CHST11: variants seen among roughly 807,000 people sequenced by gnomAD.
The protein encoded by CHST11 is C4S-1.
CHST11 carries 9 observed loss-of-function variants against 30.4 expected under a neutral mutation model. The ratio of observed to expected loss-of-function variants is 0.30; its 90% confidence interval spans 0.18 to 0.52. CHST11 has a LOEUF of 0.52. Among genes scored for constraint, CHST11 ranks in the 20% least tolerant of loss-of-function variants. The probability of loss-of-function intolerance (pLI) is 0.97; values close to 1 mark genes in which losing one functional copy is unlikely to be tolerated. For synonymous variants in CHST11, 152 were observed against 187.8 expected, an observed-to-expected ratio of 0.81 and a Z score of 1.56; for missense variants, 348 against 460.6, an observed-to-expected ratio of 0.76 and a Z score of 2.24.
At chr12:104,685,347 T>C (rs2039836793) in intron 2 of CHST11, among the ~76,000 whole-genome samples, 1 of 152,264 alleles carries the variant, frequency 6.6e-6, no homozygotes, top group South Asian at 2.1e-4. Context: ...TTGTTTGGTA[T>C]AAGAAACCTA....
chr12:104,678,596 A>G (rs2039764415), intron 2 of CHST11, among the ~76,000 whole-genome samples: 1 of 152,236 alleles, frequency 6.6e-6, no homozygotes, highest in South Asian at 2.1e-4. Flanking sequence ...GGTATACTGG[A>G]GGTATTACTG....
At chr12:104,544,100 G>A (rs749898609) in intron 1 of CHST11, among the ~76,000 whole-genome samples, 12 of 141,166 alleles carry the variant, frequency 8.5e-5, no homozygotes, top group Non-Finnish European at 1.7e-4. Flanking sequence ...CTCCAGCCTG[G>A]GCAACAGAGA....
chr12:104,722,484 T>C (rs913928575), intron 2 of CHST11, among the ~76,000 whole-genome samples: 2 of 152,190 alleles, frequency 1.3e-5, no homozygotes, highest in Non-Finnish European at 2.9e-5. Context: ...ATGAGGTAGA[T>C]TGGTTTTCTG....
Position 104,724,293 on chromosome 12 carries a change from A to G in CHST11, c.205-32656A>G, listed in dbSNP as rs1045010150. On this transcript the variant is annotated intron_variant, in intron 2 of 2. Transcript: ENST00000303694. Reference sequence around the variant, plus strand: ...AGGATGCCTCAGGAGGATGGCTACCAGGGGCTTGGGGGAGGGGAATGGGGA... The same window carrying G: ...AGGATGCCTCAGGAGGATGGCTACCGGGGGCTTGGGGGAGGGGAATGGGGA... Among the ~76,000 whole-genome samples, 21 of 102,878 alleles carry G rather than the reference A, an allele frequency of 2.0e-4. No individual in the cohort carries two copies. The Middle Eastern group carries it at 0.014, about 68-fold the overall frequency. The allele number at this position is 102,878 out of a possible 152,430, so 67.5% of individuals were successfully genotyped here.
intron 1 of CHST11, among the ~76,000 whole-genome samples, chr12:104,533,338 C>T (rs1358187906): frequency 1.3e-5 from 2 of 152,130 alleles, no homozygotes; most frequent in African/African-American, 4.8e-5. Flanking sequence ...GTGTTCCCAG[C>T]GTCATGGATT....
At chr12:104,568,259 G>C (rs1263005947) in intron 1 of CHST11, among the ~76,000 whole-genome samples, 1 of 152,164 alleles carries the variant, frequency 6.6e-6, no homozygotes, top group Non-Finnish European at 1.5e-5. Context: ...TTGCTGCAGT[G>C]TGTTGTTGCT....
intron 1 of CHST11, among the ~76,000 whole-genome samples, chr12:104,561,267 C>G (rs1389418973): frequency 1.3e-5 from 2 of 152,204 alleles, no homozygotes; most frequent in African/African-American, 4.8e-5. Flanking sequence ...ATCAGAAGCC[C>G]AGACCCCTCC....
chr12:104,521,560 T>C (rs1322226343), intron 1 of CHST11, among the ~76,000 whole-genome samples: 6 of 152,142 alleles, frequency 3.9e-5, no homozygotes, highest in Non-Finnish European at 7.4e-5. Context: ...GAGAGCTAGC[T>C]CTCCTGACGC....
chr12:104,754,864 G>A (rs1288101627), intron 2 of CHST11, among the ~76,000 whole-genome samples: 1 of 152,172 alleles, frequency 6.6e-6, no homozygotes, highest in Non-Finnish European at 1.5e-5. Context: ...AGTGGCGATG[G>A]CATGTTATAG....
intron 2 of CHST11, among the ~76,000 whole-genome samples, chr12:104,711,103 T>C (rs1341818833): frequency 6.6e-6 from 1 of 152,210 alleles, no homozygotes; most frequent in Non-Finnish European, 1.5e-5. Context: ...TCTTTCTTCT[T>C]CCCTAGAGCA....
chr12:104,488,511 GTGTGTGTATCTC>G (rs1225578374), intron 1 of CHST11, among the ~76,000 whole-genome samples: 1 of 151,850 alleles, frequency 6.6e-6, no homozygotes, highest in Non-Finnish European at 1.5e-5. Context: ...CCGTGTATAT[GTGTGTGTATCTC>G]TGTGTGTATA....
At chr12:104,560,171 G>T (rs1199497231) in intron 1 of CHST11, among the ~76,000 whole-genome samples, 1 of 152,170 alleles carries the variant, frequency 6.6e-6, no homozygotes, top group Non-Finnish European at 1.5e-5. Context: ...ATTACATAGG[G>T]TCTTAATAGT....
intron 2 of CHST11, among the ~76,000 whole-genome samples, chr12:104,706,563 C>G (rs1355476638): frequency 6.6e-6 from 1 of 151,958 alleles, no homozygotes; most frequent in African/African-American, 2.4e-5. Context: ...AGGGAGATGA[C>G]CCTACCTACA....
intron 1 of CHST11, among the ~76,000 whole-genome samples, chr12:104,475,688 A>ATATATATATATATAAATATATT (rs1555226434): frequency 1.3e-5 from 1 of 78,466 alleles, no homozygotes; most frequent in African/African-American, 3.5e-5. Flanking sequence ...ATATATATAT[A>ATATATATATATATAAATATATT]TATTTCTGAT....
At chr12:104,710,130 G>C (rs533793499) in intron 2 of CHST11, among the ~76,000 whole-genome samples, 2 of 152,260 alleles carry the variant, frequency 1.3e-5, no homozygotes, top group Admixed American at 6.5e-5. Context: ...AGCCCAGGAG[G>C]TTAAGTCTGC....
At chr12:104,708,917 GA>G (rs984280804) in intron 2 of CHST11, among the ~76,000 whole-genome samples, 1 of 152,174 alleles carries the variant, frequency 6.6e-6, no homozygotes, top group Admixed American at 6.5e-5. Flanking sequence ...TAGCTTCATA[GA>G]ATGTGGCCTT....
At chr12:104,753,057 G>A (rs1157162765) in intron 2 of CHST11, among the ~76,000 whole-genome samples, 1 of 152,220 alleles carries the variant, frequency 6.6e-6, no homozygotes, top group Admixed American at 6.5e-5. Context: ...GGTGTGACAA[G>A]CATAGATCTG....
At chr12:104,643,836 T>G (rs891337774) in intron 2 of CHST11, among the ~76,000 whole-genome samples, 2 of 152,292 alleles carry the variant, frequency 1.3e-5, no homozygotes, top group South Asian at 4.1e-4. Context: ...CTTCACTGTT[T>G]TAACCCAGGG....
intron 2 of CHST11, among the ~76,000 whole-genome samples, chr12:104,620,102 G>C (rs758719187): frequency 2.0e-5 from 3 of 152,144 alleles, no homozygotes; most frequent in Non-Finnish European, 4.4e-5. Context: ...GAGACATTTG[G>C]AAATTAGCAG....
Sources: gnomAD v4.1 joint callset for allele counts (sites outside exome capture counted in the v4.1 genomes callset) on GRCh38, gnomAD v4.1.1 for gene constraint, MANE v1.5 for transcripts, NCBI Gene and HGNC (gene_info 2026-07-23, HGNC 2026-07-21) for gene names.